Variants in HTR2A observed in about 807,000 individuals in gnomAD.
HTR2A encodes 5-HT2 receptor.
HTR2A carries 14 observed loss-of-function variants against 31.0 expected under a neutral mutation model. That is an observed-to-expected ratio of 0.45 (90% CI 0.30 to 0.71). HTR2A has a LOEUF of 0.71. Among genes scored for constraint, HTR2A ranks in the 30% least tolerant of loss-of-function variants. The pLI, the probability that HTR2A is intolerant of heterozygous loss-of-function variation, is 0.09. For synonymous variants in HTR2A, 209 were observed against 225.2 expected (o/e 0.93, Z 0.64); for missense variants, 442 against 573.3 (o/e 0.77, Z 2.34).
intron 3 of HTR2A, among the ~76,000 whole-genome samples, chr13:46,863,446 C>T (rs772401141): frequency 1.0e-4 from 15 of 150,684 alleles, no homozygotes; most frequent in Non-Finnish European, 1.5e-4. Context: ...AACATAGCAG[C>T]GCCTCATCTC....
chr13:46,833,868 A>G lies in HTR2A; in HGVS notation c.*969T>C, dbSNP rs1156262576. The G allele has an allele frequency of 6.6e-6, 1 of 152,176 alleles. No individual in the cohort carries two copies. Among genetic ancestry groups the G allele is most frequent in the Admixed American group, 6.5e-5 (1 of 15,276 alleles). The allele number at this position is 152,176 out of a possible 1,614,324, so 9.4% of individuals were successfully genotyped here. A position where few individuals can be genotyped will look rare whatever the true frequency, so the allele number is the denominator to read the frequency against. On this transcript the variant is annotated 3_prime_UTR_variant, in exon 4 of 4. Transcript: ENST00000542664. ...CATAGGAAAGTCACCTGCTTTTTAC[A>G]GAGATGTCCTAGGACTCTACCACTG...
Position 46,834,868 on chromosome 13 carries a change from T to A in HTR2A, c.1385A>T (p.Asp462Val). The change falls in exon 4 of 4, where the codon GAC becomes GTC. Residue 462 changes from aspartate (D) to valine (V), a missense_variant. This residue lies in a region of HTR2A where 88 missense variants were observed against 83.1 expected (regional missense o/e 1.06). Coordinates refer to ENST00000542664, the MANE Select transcript of HTR2A (RefSeq NM_000621.5). ...ACAGCTCACCTTTTCATTCACTCCG[T>A]CGCTATTGTCTTTAGAAGCCTCTTC... Reference protein sequence around the residue: ...HSEEASKDNSDGVNEKVSCV With the variant: ...HSEEASKDNSVGVNEKVSCV 2 of 1,613,718 alleles carry A rather than the reference T, an allele frequency of 1.2e-6. No individual in the cohort carries two copies. Among genetic ancestry groups the A allele is most frequent in the Non-Finnish European group, 1.7e-6 (2 of 1,179,788 alleles).
intron 3 of HTR2A, among the ~76,000 whole-genome samples, chr13:46,838,603 G>T (rs180975152): frequency 5.5e-4 from 84 of 152,164 alleles, no homozygotes; most frequent in African/African-American, 1.4e-3. Context: ...TTGGCTATTG[G>T]CCGTAGAGTT....
chr13:46,885,756 TA>T (rs1367717178), intron 3 of HTR2A, among the ~76,000 whole-genome samples: 1 of 152,240 alleles, frequency 6.6e-6, no homozygotes, highest in Non-Finnish European at 1.5e-5. Context: ...CTGTCTTCAC[TA>T]ACTTCATTTT....
chr13:46,848,164 C>T (rs887756731), intron 3 of HTR2A, among the ~76,000 whole-genome samples: 2 of 152,158 alleles, frequency 1.3e-5, no homozygotes, highest in African/African-American at 2.4e-5. Flanking sequence ...GTTGTACATA[C>T]CCTGAAACAT....
At chr13:46,851,412 A>G (rs1256695283) in intron 3 of HTR2A, among the ~76,000 whole-genome samples, 2 of 152,258 alleles carry the variant, frequency 1.3e-5, no homozygotes, top group South Asian at 4.1e-4. Context: ...AGATACATAC[A>G]GCACAAAACA....
intron 3 of HTR2A, among the ~76,000 whole-genome samples, chr13:46,855,311 T>C (rs7984966): frequency 0.25 from 38,749 of 152,142 alleles, 5,526 homozygotes; most frequent in African/African-American, 0.35. Context: ...TCAAGGGAAC[T>C]CCTTCAGTTT....
At chr13:46,881,912 A>G (rs752644018) in intron 3 of HTR2A, among the ~76,000 whole-genome samples, 6 of 152,132 alleles carry the variant, frequency 3.9e-5, no homozygotes, top group Non-Finnish European at 5.9e-5. Context: ...TTTCCAGAAG[A>G]TACGGTATCA....
chr13:46,860,662 T>C (rs1437194100), intron 3 of HTR2A, among the ~76,000 whole-genome samples: 1 of 152,210 alleles, frequency 6.6e-6, no homozygotes, highest in African/African-American at 2.4e-5. Context: ...GAATTCTTAA[T>C]CAGAACATAT....
At chr13:46,864,386 G>T (rs1438298646) in intron 3 of HTR2A, among the ~76,000 whole-genome samples, 2 of 152,146 alleles carry the variant, frequency 1.3e-5, no homozygotes, top group East Asian at 3.9e-4. Context: ...ACCTGCACAG[G>T]TACCCCTGAA....
At chr13:46,860,082 T>C (rs914125985) in intron 3 of HTR2A, among the ~76,000 whole-genome samples, 8 of 152,166 alleles carry the variant, frequency 5.3e-5, no homozygotes, top group African/African-American at 1.4e-4. Flanking sequence ...ATTCTTCTAT[T>C]TGCCCTTTTC....
intron 3 of HTR2A, among the ~76,000 whole-genome samples, chr13:46,880,549 G>A (rs1280010707): frequency 1.3e-5 from 2 of 152,084 alleles, no homozygotes; most frequent in African/African-American, 2.4e-5. Flanking sequence ...AAAAAATGAA[G>A]CACTTCTGAC....
At chr13:46,892,702 G>T in intron 2 of HTR2A, 112 bp from the exon 3 acceptor site, 1 of 789,656 alleles carries the variant, frequency 1.3e-6, no homozygotes. Context: ...GTGGCAAAGG[G>T]CAACACAATA....
chr13:46,841,141 A>C (rs61948313), intron 3 of HTR2A, among the ~76,000 whole-genome samples: 25,709 of 152,150 alleles, frequency 0.17, 2,493 homozygotes, highest in Middle Eastern at 0.26. Context: ...AAGTTTCCTG[A>C]GGCCTCCCCA....
rs191574191 is a variant in HTR2A at position 46,845,079 on chromosome 13, A to G, written c.614-9440T>C. Among the ~76,000 whole-genome samples, 38 of 152,234 alleles carry G rather than the reference A, an allele frequency of 2.5e-4. 1 individual carries two copies. The highest frequency in any genetic ancestry group is 8.9e-4 in the African/African-American group (37 of 41,542). On this transcript the variant is annotated intron_variant, in intron 3 of 3. Transcript: ENST00000542664. ...GAAACTACAGAAAATAGTACTGTGA[A>G]CCCTATGTACACATCACCCAAGTTC...
At chr13:46,868,865 T>C (rs1950841126) in intron 3 of HTR2A, among the ~76,000 whole-genome samples, 2 of 152,182 alleles carry the variant, frequency 1.3e-5, no homozygotes. Flanking sequence ...AAAATATTCT[T>C]ATTAAGAAGT....
rs1273273339 is a variant in HTR2A at position 46,833,352 on chromosome 13, T to TTTTCTTTTTTTC, written c.*1473_*1484dup. Reference sequence around the variant, plus strand: ...GACTAAGACCATTTCAGTTTAGTCATTTTCTTTTTTTCTTTCTTTTTTTTT... The same window carrying TTTTCTTTTTTTC: ...GACTAAGACCATTTCAGTTTAGTCATTTTCTTTTTTTCTTTCTTTTTTTCTTTCTTTTTTTTT... On this transcript the variant is annotated 3_prime_UTR_variant, in exon 4 of 4. Coordinates refer to ENST00000542664, the MANE Select transcript of HTR2A (RefSeq NM_000621.5). The TTTTCTTTTTTTC allele has an allele frequency of 1.3e-5, 2 of 150,318 alleles. No homozygotes were observed. Among genetic ancestry groups the TTTTCTTTTTTTC allele is most frequent in the African/African-American group, 5.0e-5 (2 of 40,164 alleles). The allele number at this position is 150,318 out of a possible 1,614,324, so 9.3% of individuals were successfully genotyped here.
rs987379930 is a variant in HTR2A, at chr13:46,895,481, C to T, written c.412+14G>A. On this transcript the variant is annotated intron_variant, in intron 2 of 3. Transcript: ENST00000542664. This position sits in a 1 kb window ranked among gnomAD's most constrained non-coding sequence, Gnocchi z 4.4. Reference sequence around the variant, plus strand: ...TACCAGTGCGAATATAGCTGGGAAACTAATGCCACTCACCATACAGGATGG... The same window carrying T: ...TACCAGTGCGAATATAGCTGGGAAATTAATGCCACTCACCATACAGGATGG... The T allele has an allele frequency of 4.4e-6, 7 of 1,608,966 alleles. No individual in the cohort carries two copies. In the Admixed American group the frequency reaches 8.4e-5, roughly 19 times the overall value.
intron 3 of HTR2A, among the ~76,000 whole-genome samples, chr13:46,857,477 G>A (rs1417397252): frequency 1.3e-5 from 2 of 151,972 alleles, no homozygotes; most frequent in African/African-American, 4.8e-5. Context: ...CTTTGATAAG[G>A]GCTCTAATCT....
Sources: gnomAD v4.1 joint callset for allele counts (sites outside exome capture counted in the v4.1 genomes callset) on GRCh38, gnomAD v4.1.1 for gene constraint, gnomAD v4.1.1 regional missense constraint, Gnocchi (gnomAD v3.1) non-coding constraint, MANE v1.5 for transcripts, NCBI Gene and HGNC (gene_info 2026-07-23, HGNC 2026-07-21) for gene names.